LYST: variants seen among roughly 807,000 people sequenced by gnomAD.
LYST encodes lysosomal-trafficking regulator.
LYST carries 192 observed loss-of-function variants against 413.6 expected under a neutral mutation model. That is an observed-to-expected ratio of 0.46 (90% CI 0.41 to 0.52). The LOEUF (loss-of-function observed/expected upper bound fraction) is 0.52. Ranked by LOEUF, LYST falls within the 20% of genes least tolerant of loss-of-function variation. The pLI is 0.00. For synonymous variants in LYST, 1,525 were observed against 1,567.3 expected, an observed-to-expected ratio of 0.97 and a Z score of 0.64; for missense variants, 3,815 against 4,499.9, an observed-to-expected ratio of 0.85 and a Z score of 4.35.
At chr1:235,834,348 A>C (rs1676310724) in intron 1 of LYST, among the ~76,000 whole-genome samples, 1 of 152,196 alleles carries the variant, frequency 6.6e-6, no homozygotes, top group African/African-American at 2.4e-5. Context: ...TTATGCGGCA[A>C]ACATGAAGAT....
intron 4 of LYST, among the ~76,000 whole-genome samples, chr1:235,812,432 G>A (rs7519505): frequency 0.11 from 16,161 of 151,388 alleles, 962 homozygotes; most frequent in Middle Eastern, 0.18. Flanking sequence ...GCTTGAACTC[G>A]GGAGGCTGAG....
intron 3 of LYST, among the ~76,000 whole-genome samples, chr1:235,823,927 C>T (rs556461816): frequency 6.6e-5 from 10 of 152,310 alleles, no homozygotes; most frequent in East Asian, 1.9e-4. Flanking sequence ...CTTTCATCTC[C>T]GCATCTAGCA....
intron 49 of LYST, 118 bp downstream of exon 49, chr1:235,677,362 T>A: frequency 8.2e-7 from 1 of 1,217,000 alleles, no homozygotes; most frequent in South Asian, 1.2e-5. Flanking sequence ...CCTTTAAGCA[T>A]GTGTTTCATG....
chr1:235,686,868 A>T lies in LYST; in HGVS notation c.10800+81T>A, dbSNP rs1660260987. Reference sequence around the variant, plus strand: ...TAAACATTTTAAGTTAATCTTATGCAAAGTGAATTATACTTCATAAAGGCT... The same window carrying T: ...TAAACATTTTAAGTTAATCTTATGCTAAGTGAATTATACTTCATAAAGGCT... On this transcript the variant is annotated intron_variant, in intron 48 of 52. Coordinates refer to ENST00000389793, the MANE Select transcript of LYST (RefSeq NM_000081.4). The surrounding 1 kb of genome is among the most constrained non-coding windows in gnomAD (Gnocchi z 4.0). 1 of 1,022,168 alleles carries T rather than the reference A, an allele frequency of 9.8e-7. No homozygotes were observed. The highest frequency in any genetic ancestry group is 1.3e-5 in the South Asian group (1 of 78,966). The allele number at this position is 1,022,168 out of a possible 1,614,324, so 63.3% of individuals were successfully genotyped here.
At position 235,810,247 on chromosome 1, in the gene LYST, A is replaced by T; in HGVS notation, c.571T>A (p.Phe191Ile). The T allele has an allele frequency of 6.2e-7, 1 of 1,614,106 alleles. No individual in the cohort carries two copies. Among genetic ancestry groups the T allele is most frequent in the Non-Finnish European group, 8.5e-7 (1 of 1,179,972 alleles). ...KHRRPHLLHH[F>I]LTSFPKQDHP... ...TCTTGTTTAGGAAACGATGTTAAAA[A>T]ATGATGCAGCAGATGGGGCCTTCTA... The change falls in exon 5 of 53, where the codon TTT (phenylalanine) becomes ATT (isoleucine). Residue 191 changes from phenylalanine (F) to isoleucine (I), a missense_variant. Physicochemically the swap from Phe to Ile is conservative, Grantham distance 21 (BLOSUM62 0). Transcript: ENST00000389793.
intron 3 of LYST, among the ~76,000 whole-genome samples, chr1:235,814,684 C>A (rs935939309): frequency 1.3e-5 from 2 of 152,094 alleles, no homozygotes; most frequent in African/African-American, 2.4e-5. Context: ...ACTCCAATTA[C>A]AATAGGCTGA....
At chr1:235,771,961 C>T (rs377725403) in intron 19 of LYST, among the ~76,000 whole-genome samples, 8 of 131,270 alleles carry the variant, frequency 6.1e-5, no homozygotes, top group East Asian at 2.3e-4. Flanking sequence ...GGGGGGCTCA[C>T]GCCTGTATCC....
At chr1:235,833,817 C>T (rs1242036570) in intron 1 of LYST, 150 bp from the exon 2 acceptor site, 2 of 152,602 alleles carry the variant, frequency 1.3e-5, no homozygotes, top group Non-Finnish European at 2.9e-5. Context: ...AAAATGCCTA[C>T]TTCAAGAATT....
intron 38 of LYST, among the ~76,000 whole-genome samples, chr1:235,726,461 C>T (rs1348511028): frequency 1.3e-5 from 2 of 152,060 alleles, no homozygotes; most frequent in Non-Finnish European, 2.9e-5. Flanking sequence ...AACATCTATG[C>T]GCAAGGTACT....
intron 3 of LYST, among the ~76,000 whole-genome samples, chr1:235,824,692 A>G (rs1185941142): frequency 6.6e-6 from 1 of 152,266 alleles, no homozygotes; most frequent in Non-Finnish European, 1.5e-5. Context: ...ATAATAAATT[A>G]TGAACAAAAT....
At chr1:235,672,261 G>A (rs1659000141) in intron 50 of LYST, among the ~76,000 whole-genome samples, 1 of 152,158 alleles carries the variant, frequency 6.6e-6, no homozygotes, top group Non-Finnish European at 1.5e-5. Context: ...AATAAATTTA[G>A]GAGTCATTAG....
chr1:235,744,022 T>C lies in LYST; in HGVS notation c.8108A>G (p.Lys2703Arg). The C allele has an allele frequency of 6.4e-7, 1 of 1,559,604 alleles. No individual in the cohort carries two copies. The highest frequency in any genetic ancestry group is 8.8e-7 in the Non-Finnish European group (1 of 1,131,814). ...TTCTACCAGATATGTAAAAATTTCT[T>C]TCTGAAATGGATTGAAAACAGAAGA... The part of the protein sequence containing the change: ...EQSSVFNPFQ[K>R]EIFTYLVEGF... The change falls in exon 30 of 53, where the codon AAA becomes AGA. Residue 2703 changes from lysine to arginine, a missense_variant. Transcript: ENST00000389793.
Position 235,716,824 on chromosome 1 carries a change from C to T in LYST, c.9561-46G>A, listed in dbSNP as rs200108337. On this transcript the variant is annotated intron_variant, in intron 40 of 52. Transcript: ENST00000389793. ...TAAAAATTAAATATTTTGATACTGTCAAGATTAAGCTCCCTAGATGTCTGC... is the reference window on the plus strand; with the variant it reads ...TAAAAATTAAATATTTTGATACTGTTAAGATTAAGCTCCCTAGATGTCTGC... 303 of 1,098,584 alleles carry T rather than the reference C, an allele frequency of 2.8e-4. 1 individual carries two copies. Among genetic ancestry groups the T allele is most frequent in the Non-Finnish European group, 4.1e-4 (290 of 712,700 alleles). 68.1% of individuals were successfully genotyped at this position (1,098,584 alleles called of 1,614,324 possible).
intron 38 of LYST, among the ~76,000 whole-genome samples, chr1:235,724,722 T>C (rs984209523): frequency 1.3e-5 from 2 of 152,254 alleles, no homozygotes; most frequent in Non-Finnish European, 2.9e-5. Context: ...ATTTGTTTAC[T>C]GTCTCTATAG....
At position 235,773,834 on chromosome 1, in the gene LYST, T is replaced by C. The variant is rs1259047685; in HGVS notation, c.5784+8A>G. 2 of 1,609,710 alleles carry C rather than the reference T, an allele frequency of 1.2e-6. No individual in the cohort carries two copies. The highest frequency in any genetic ancestry group is 1.7e-5 in the Admixed American group (1 of 59,956). Reference sequence around the variant, plus strand: ...ATAAAAAATGGAAAAAAAGTACATATTACATGCCTCTGCTTTACTCCATAT... The same window carrying C: ...ATAAAAAATGGAAAAAAAGTACATACTACATGCCTCTGCTTTACTCCATAT... On this transcript the variant is annotated splice_region_variant and intron_variant, in intron 19 of 52. Coordinates refer to ENST00000389793, the MANE Select transcript of LYST (RefSeq NM_000081.4).
At chr1:235,752,898 A>AT (rs1666646924) in intron 26 of LYST, 146 bp downstream of exon 26, 1 of 506,702 alleles carries the variant, frequency 2.0e-6, no homozygotes. Context: ...TGTTATTATT[A>AT]TTTTTTTACT....
At chr1:235,746,918 ATAC>A (rs1359073767) in intron 28 of LYST, among the ~76,000 whole-genome samples, 4 of 152,236 alleles carry the variant, frequency 2.6e-5, no homozygotes, top group African/African-American at 7.2e-5. Flanking sequence ...TTTAGTAAGA[ATAC>A]TACTATTTCT....
At chr1:235,730,764 T>C in intron 36 of LYST, 83 bp downstream of exon 36, 1 of 1,000,588 alleles carries the variant, frequency 1.0e-6, no homozygotes, top group Non-Finnish European at 1.6e-6. Context: ...ATGATGGCAT[T>C]ATATAAAATA....
At chr1:235,751,935 G>GA in intron 27 of LYST, 70 bp downstream of exon 27, 2 of 1,047,048 alleles carry the variant, frequency 1.9e-6, no homozygotes, top group Non-Finnish European at 2.9e-6. Flanking sequence ...AGAAGAAAGA[G>GA]ATTGTGCTCA....
Sources: allele counts gnomAD v4.1 joint callset (sites outside exome capture counted in the v4.1 genomes callset), GRCh38; gene constraint gnomAD v4.1.1; non-coding constraint Gnocchi (gnomAD v3.1); transcripts MANE v1.5; gene names NCBI Gene and HGNC (gene_info 2026-07-23, HGNC 2026-07-21).